DAB1: variants seen among roughly 807,000 people sequenced by gnomAD.
DAB1 encodes the protein DAB adaptor protein 1, also known as disabled homolog 1.
DAB1 carries 15 observed loss-of-function variants against 64.6 expected under a neutral mutation model. That is an observed-to-expected ratio of 0.23 (90% CI 0.16 to 0.36). The LOEUF (loss-of-function observed/expected upper bound fraction) is 0.36. Ranked by LOEUF, DAB1 falls within the 10% of genes least tolerant of loss-of-function variation. DAB1 has a pLI of 1.00. For missense variants in DAB1, 596 were observed against 706.7 expected (o/e 0.84, Z 1.78); for synonymous variants, 235 against 251.9 (o/e 0.93, Z 0.64).
chr1:58,166,366 T>C (rs1655831973), intron 4 of DAB1, among the ~76,000 whole-genome samples: 1 of 152,236 alleles, frequency 6.6e-6, no homozygotes, highest in Admixed American at 6.5e-5. Flanking sequence ...ACCTTCTGTC[T>C]CTATAGACTT....
At chr1:57,181,787 T>C (rs1662964097) in intron 2 of DAB1, among the ~76,000 whole-genome samples, 1 of 152,244 alleles carries the variant, frequency 6.6e-6, no homozygotes, top group Non-Finnish European at 1.5e-5. Flanking sequence ...AGCCCCTTCC[T>C]AGCTGTGGAG....
intron 5 of DAB1, among the ~76,000 whole-genome samples, chr1:58,123,239 T>C (rs983909368): frequency 5.3e-5 from 8 of 152,078 alleles, no homozygotes; most frequent in African/African-American, 1.9e-4. Flanking sequence ...CTTTCCACTG[T>C]CCCCAGCTGT....
At chr1:58,536,960 A>G (rs1287720364) in intron 1 of DAB1, among the ~76,000 whole-genome samples, 1 of 152,180 alleles carries the variant, frequency 6.6e-6, no homozygotes, top group African/African-American at 2.4e-5. Flanking sequence ...ATACTCATCG[A>G]AATTTTCTTC....
At chr1:57,575,950 G>A (rs985837536) in intron 7 of DAB1, among the ~76,000 whole-genome samples, 6 of 152,060 alleles carry the variant, frequency 3.9e-5, no homozygotes, top group Non-Finnish European at 8.8e-5. Context: ...ATATGTTGCT[G>A]TCTTAACCCC....
At chr1:57,812,095 G>T (rs1431427768) in intron 6 of DAB1, among the ~76,000 whole-genome samples, 7 of 152,126 alleles carry the variant, frequency 4.6e-5, no homozygotes, top group South Asian at 2.1e-4. Context: ...GAATGGCAAA[G>T]GTATCCTGCT....
At chr1:57,315,100 C>T (rs1467893664) in intron 1 of DAB1, among the ~76,000 whole-genome samples, 1 of 152,150 alleles carries the variant, frequency 6.6e-6, no homozygotes, top group African/African-American at 2.4e-5. Context: ...TCTGTCCTTT[C>T]TGCTTCAGGG....
At chr1:57,911,071 T>C (rs562373800) in intron 5 of DAB1, among the ~76,000 whole-genome samples, 4 of 152,324 alleles carry the variant, frequency 2.6e-5, no homozygotes, top group African/African-American at 4.8e-5. Context: ...ACAGACATTT[T>C]GTGTTGACTT....
At chr1:57,004,840 C>T (rs917716034) in intron 14 of DAB1, among the ~76,000 whole-genome samples, 11 of 152,118 alleles carry the variant, frequency 7.2e-5, no homozygotes, top group South Asian at 2.1e-4. Context: ...TGAACTTAGG[C>T]GAGCATCTCA....
intron 8 of DAB1, among the ~76,000 whole-genome samples, chr1:57,064,644 T>C (rs1451741133): frequency 6.6e-6 from 1 of 152,202 alleles, no homozygotes. Context: ...GCCAAAAGCT[T>C]GAGCCCAGGG....
At chr1:57,744,560 GA>G (rs1648171145) in intron 6 of DAB1, among the ~76,000 whole-genome samples, 2 of 152,158 alleles carry the variant, frequency 1.3e-5, no homozygotes, top group Non-Finnish European at 2.9e-5. Context: ...TTAAGGATCA[GA>G]GAAGTTATTT....
intron 5 of DAB1, among the ~76,000 whole-genome samples, chr1:58,016,687 T>C (rs998944550): frequency 6.6e-6 from 1 of 152,084 alleles, no homozygotes; most frequent in Non-Finnish European, 1.5e-5. Context: ...TTGCCTCTAT[T>C]GTCATTAGTC....
intron 1 of DAB1, among the ~76,000 whole-genome samples, chr1:57,388,116 T>C (rs1682038353): frequency 6.6e-6 from 1 of 152,228 alleles, no homozygotes; most frequent in Admixed American, 6.5e-5. Context: ...TATTCTTGCA[T>C]GCATTTTCCT....
At chr1:57,516,055 AG>A (rs1409646590) in intron 7 of DAB1, among the ~76,000 whole-genome samples, 1 of 152,218 alleles carries the variant, frequency 6.6e-6, no homozygotes, top group Non-Finnish European at 1.5e-5. Context: ...TCCTCCAAAA[AG>A]GATGTAAGAT....
At chr1:58,491,526 C>G (rs1219019673) in intron 3 of DAB1, among the ~76,000 whole-genome samples, 1 of 152,042 alleles carries the variant, frequency 6.6e-6, no homozygotes, top group African/African-American at 2.4e-5. Context: ...ACCCATCTCA[C>G]GTGCAGAGAC....
chr1:58,389,247 G>A (rs115769341), intron 3 of DAB1, among the ~76,000 whole-genome samples: 2,162 of 152,266 alleles, frequency 0.014, 28 homozygotes, highest in Non-Finnish European at 0.025. Flanking sequence ...AGACCAGCCA[G>A]GGCAACATAC....
At chr1:57,128,559 G>T (rs137882840) in intron 4 of DAB1, among the ~76,000 whole-genome samples, 1 of 152,112 alleles carries the variant, frequency 6.6e-6, no homozygotes, top group Non-Finnish European at 1.5e-5. Context: ...AACACTCGGA[G>T]CCTAAAATAT....
chr1:58,177,375 T>C (rs1656542572), intron 4 of DAB1, among the ~76,000 whole-genome samples: 1 of 152,320 alleles, frequency 6.6e-6, no homozygotes, highest in Non-Finnish European at 1.5e-5. Flanking sequence ...TCCACAAATA[T>C]TTGTGATAAA....
At chr1:58,199,908 C>G (rs566282358) in intron 4 of DAB1, among the ~76,000 whole-genome samples, 1 of 152,296 alleles carries the variant, frequency 6.6e-6, no homozygotes, top group Admixed American at 6.5e-5. Flanking sequence ...GGTTATGGCA[C>G]TGTCCTCCTC....
At position 57,103,503 on chromosome 1, in the gene DAB1, T is replaced by C. The variant is rs146241691; in HGVS notation, c.307-31089A>G. Among the ~76,000 whole-genome samples the C allele has an allele frequency of 4.4e-4, 67 of 152,276 alleles. 1 individual carries two copies. In the East Asian group the frequency reaches 0.013, roughly 29 times the overall value. ...GTGACGTTTAAATGAGATCACCCTT[T>C]GCAAAGTACCTAGAGCAGATCCCGG... On this transcript the variant is annotated intron_variant, in intron 4 of 14. Transcript: ENST00000371236.
Sources: allele counts gnomAD v4.1 joint callset (sites outside exome capture counted in the v4.1 genomes callset), GRCh38; gene constraint gnomAD v4.1.1; transcripts MANE v1.5; gene names NCBI Gene and HGNC (gene_info 2026-07-23, HGNC 2026-07-21).